Variants in NHSL1 observed in about 807,000 individuals in gnomAD.
NHSL1 encodes the protein NHS like 1.
NHSL1 carries 48 observed loss-of-function variants against 95.0 expected under a neutral mutation model. That is an observed-to-expected ratio of 0.51 (90% CI 0.40 to 0.64). The LOEUF is 0.64. Ranked by LOEUF, NHSL1 falls within the 30% of genes least tolerant of loss-of-function variation. The probability of loss-of-function intolerance (pLI) is 0.00; values close to 1 mark genes in which losing one functional copy is unlikely to be tolerated. For missense variants in NHSL1, 1,971 were observed against 2,077.7 expected, an observed-to-expected ratio of 0.95 and a Z score of 1.00; for synonymous variants, 783 against 833.9, an observed-to-expected ratio of 0.94 and a Z score of 1.05.
chr6:138,426,090 C>G (rs549268065), intron 7 of NHSL1, among the ~76,000 whole-genome samples: 2 of 152,340 alleles, frequency 1.3e-5, no homozygotes, highest in East Asian at 1.9e-4. Context: ...CCTTGCTGGT[C>G]TCTTCATGAC....
chr6:138,438,505 C>A (rs1170046328), intron 5 of NHSL1, among the ~76,000 whole-genome samples: 2 of 152,072 alleles, frequency 1.3e-5, no homozygotes, highest in Admixed American at 1.3e-4. Flanking sequence ...GCTGCAATAA[C>A]CCTGAGGTAT....
chr6:138,446,847 G>A, intron 4 of NHSL1, 154 bp downstream of exon 4: 1 of 688,074 alleles, frequency 1.5e-6, no homozygotes, highest in Non-Finnish European at 2.5e-6. Flanking sequence ...ACACACATAT[G>A]TAGTTTTAAT....
intron 1 of NHSL1, among the ~76,000 whole-genome samples, chr6:138,629,516 G>A (rs150316481): frequency 4.2e-3 from 643 of 152,192 alleles, no homozygotes; most frequent in African/African-American, 0.015. Context: ...CCATGTAGCT[G>A]GGATTACAGG....
At chr6:138,608,498 A>C (rs73564402) in intron 1 of NHSL1, among the ~76,000 whole-genome samples, 6,028 of 152,288 alleles carry the variant, frequency 0.04, 373 homozygotes, top group African/African-American at 0.14. Context: ...GAACTCAATA[A>C]TTCCTGCTTT....
intron 1 of NHSL1, among the ~76,000 whole-genome samples, chr6:138,605,462 A>G (rs541556542): frequency 6.6e-6 from 1 of 152,144 alleles, no homozygotes; most frequent in East Asian, 1.9e-4. Context: ...CTCACCCCCC[A>G]CAAAAAAAAG....
chr6:138,475,669 G>C (rs907107665), intron 2 of NHSL1, among the ~76,000 whole-genome samples: 3 of 152,134 alleles, frequency 2.0e-5, no homozygotes, highest in Admixed American at 1.3e-4. Flanking sequence ...AGCAAGGCCG[G>C]GCATGGTGGC....
At chr6:138,586,280 T>C (rs1354749626) in intron 1 of NHSL1, among the ~76,000 whole-genome samples, 1 of 151,900 alleles carries the variant, frequency 6.6e-6, no homozygotes, top group African/African-American at 2.4e-5. Context: ...TTTTTAGTAA[T>C]GACAGGGTTT....
intron 2 of NHSL1, among the ~76,000 whole-genome samples, chr6:138,475,041 G>A (rs11970087): frequency 0.3 from 45,589 of 151,660 alleles, 8,412 homozygotes; most frequent in African/African-American, 0.51. Context: ...CCAGCTACTC[G>A]GGAAGGTTGA....
chr6:138,460,081 C>T (rs7757990), intron 3 of NHSL1, among the ~76,000 whole-genome samples: 19,158 of 152,216 alleles, frequency 0.13, 1,245 homozygotes, highest in Middle Eastern at 0.16. Context: ...AAAAGAACCG[C>T]ACTTTTTCCC....
chr6:138,526,371 C>T (rs963751694), intron 1 of NHSL1, among the ~76,000 whole-genome samples: 3 of 152,070 alleles, frequency 2.0e-5, no homozygotes, highest in Admixed American at 6.6e-5. Context: ...GTCCCAACTA[C>T]TGGGAAGGCT....
At chr6:138,468,359 T>C (rs1051910778) in intron 3 of NHSL1, among the ~76,000 whole-genome samples, 12 of 152,226 alleles carry the variant, frequency 7.9e-5, no homozygotes, top group Non-Finnish European at 2.9e-5. Flanking sequence ...ACAGGCTATA[T>C]ACCGGGGGTC....
chr6:138,636,602 C>T (rs1784891646), intron 1 of NHSL1, among the ~76,000 whole-genome samples: 1 of 152,148 alleles, frequency 6.6e-6, no homozygotes, highest in Admixed American at 6.6e-5. Flanking sequence ...AAATCAGTAG[C>T]ATTTCTATAT....
chr6:138,502,786 T>C (rs1240446150), upstream of NHSL1, among the ~76,000 whole-genome samples: 2 of 152,202 alleles, frequency 1.3e-5, no homozygotes, highest in African/African-American at 4.8e-5. Context: ...ATAACAACAG[T>C]GTTTATATCA....
At chr6:138,490,679 C>A (rs1324783867) in intron 2 of NHSL1, among the ~76,000 whole-genome samples, 2 of 152,238 alleles carry the variant, frequency 1.3e-5, no homozygotes, top group South Asian at 2.1e-4. Flanking sequence ...TGTCACCAGG[C>A]TGGAGTGCAG....
upstream of NHSL1, among the ~76,000 whole-genome samples, chr6:138,502,347 T>C (rs764908244): frequency 6.6e-6 from 1 of 152,182 alleles, no homozygotes; most frequent in Non-Finnish European, 1.5e-5. Context: ...CATGCCTCAA[T>C]GCTGTGGTTG....
intron 2 of NHSL1, among the ~76,000 whole-genome samples, chr6:138,490,854 T>G (rs573028685): frequency 5.5e-4 from 84 of 152,282 alleles, no homozygotes; most frequent in Admixed American, 9.8e-4. Context: ...GGATGGTATC[T>G]ATCTCCTGAC....
chr6:138,520,220 T>A (rs1178382423), intron 1 of NHSL1, among the ~76,000 whole-genome samples: 2 of 151,742 alleles, frequency 1.3e-5, no homozygotes, highest in African/African-American at 4.8e-5. Context: ...CCAATAAAAT[T>A]TCAAAATTGG....
At chr6:138,688,060 T>G (rs925147536) in intron 1 of NHSL1, among the ~76,000 whole-genome samples, 30 of 152,244 alleles carry the variant, frequency 2.0e-4, no homozygotes, top group African/African-American at 6.7e-4. Context: ...CAAGTCATTC[T>G]CATGCCTCAG....
intron 5 of NHSL1, among the ~76,000 whole-genome samples, chr6:138,441,761 T>C (rs767757548): frequency 9.2e-5 from 14 of 152,210 alleles, no homozygotes; most frequent in Non-Finnish European, 1.2e-4. Context: ...TCATGTAAGC[T>C]CTTCCTTCTC....
Sources: gnomAD v4.1 joint callset for allele counts (sites outside exome capture counted in the v4.1 genomes callset) on GRCh38, gnomAD v4.1.1 for gene constraint, MANE v1.5 for transcripts, NCBI Gene and HGNC (gene_info 2026-07-23, HGNC 2026-07-21) for gene names.